Variants in KRT38 observed in about 807,000 individuals in gnomAD.
KRT38 encodes the protein keratin, type I cuticular Ha8.
KRT38 carries 45 observed loss-of-function variants against 43.1 expected under a neutral mutation model. The observed-to-expected ratio is 1.04, with a 90% CI of 0.82 to 1.34. The LOEUF is 1.34. KRT38 is among the 40% of genes most tolerant of loss of function. KRT38 has a pLI of 0.00. For synonymous variants in KRT38, 258 were observed against 244.0 expected, an observed-to-expected ratio of 1.06 and a Z score of -0.53; for missense variants, 627 against 586.2, an observed-to-expected ratio of 1.07 and a Z score of -0.72.
At position 41,437,518 on chromosome 17, in the gene KRT38, G is replaced by A. The variant is rs146369884; in HGVS notation, c.1265C>T (p.Thr422Met). Residue 422 changes from threonine (T) to methionine (M), a missense_variant, in exon 7 of 7, where the codon ACG (threonine) becomes ATG (methionine). Physicochemically the swap from Thr to Met is moderately conservative, Grantham distance 81 (BLOSUM62 -1). Coordinates refer to ENST00000246646, the MANE Select transcript of KRT38 (RefSeq NM_006771.4). Reference protein sequence around the residue: ...DCKLPCNPCSTSPSCVTAPCA... With the variant: ...DCKLPCNPCSMSPSCVTAPCA... ...GGGGGCAGTCACGCAGGAGGGAGAC[G>A]TGGAGCACGGATTGCAGGGGAGTCT... 147 of 1,561,172 alleles carry A rather than the reference G, an allele frequency of 9.4e-5. No individual in the cohort carries two copies. The highest frequency in any genetic ancestry group is 4.5e-4 in the Middle Eastern group (2 of 4,458).
rs1396181209 is a variant in KRT38, at chr17:41,437,497, G to A, written c.1286C>T (p.Ala429Val). 3 of 1,561,424 alleles carry A rather than the reference G, an allele frequency of 1.9e-6. No individual in the cohort carries two copies. Among genetic ancestry groups the A allele is most frequent in the Admixed American group, 2.1e-5 (1 of 48,370 alleles). The change falls in exon 7 of 7, where the codon GCC becomes GTC. Residue 429 changes from alanine to valine, a missense_variant. Ala to Val is a moderately conservative substitution (Grantham distance 64). Coordinates refer to ENST00000246646, the MANE Select transcript of KRT38 (RefSeq NM_006771.4). ...PCSTSPSCVT[A>V]PCAPRPSCGP... ...ACAGCTTGGGCGAGGAGCACAGGGG[G>A]CAGTCACGCAGGAGGGAGACGTGGA...
In KRT38 at chr17:41,438,770, C is replaced by G; in HGVS notation, c.821G>C (p.Gly274Ala). ...GGCCTCATACTGAGCCCGCATCTCC[C>G]CCAGCACCCTGTTCAGGTCAATGGT... is the stretch of plus-strand genomic sequence containing the variant. ...EPTIDLNRVL[G>A]EMRAQYEAML... The change falls in exon 4 of 7, where the codon GGG becomes GCG. Residue 274 changes from glycine to alanine, a missense_variant. Physicochemically the swap from Gly to Ala is moderately conservative, Grantham distance 60 (BLOSUM62 0). Coordinates refer to ENST00000246646, the MANE Select transcript of KRT38 (RefSeq NM_006771.4). The G allele has an allele frequency of 1.2e-6, 2 of 1,614,204 alleles. No homozygotes were observed. The highest frequency in any genetic ancestry group is 1.7e-5 in the Admixed American group (1 of 60,034).
Position 41,437,427 on chromosome 17 carries a change from G to T in KRT38, c.1356C>A (p.Thr452=). ...TCGPTCGAST[T]GSRF is the part of the protein sequence containing the mutation. Reference sequence around the variant, plus strand: ...CCACAGGAATTCAGAATCGGCTTCCGGTGGTGCTGGCTCCACAGGTGGGCC... The same window carrying T: ...CCACAGGAATTCAGAATCGGCTTCCTGTGGTGCTGGCTCCACAGGTGGGCC... The change falls in exon 7 of 7, where the codon ACC becomes ACA. Residue 452 remains threonine, a synonymous_variant. Transcript: ENST00000246646. 6.4e-7 allele frequency: 1 copy of T among 1,566,952 alleles called. No homozygotes were observed. The highest frequency in any genetic ancestry group is 8.6e-7 in the Non-Finnish European group (1 of 1,160,972).
chr17:41,437,220 T>A lies in KRT38; in HGVS notation c.*192A>T. On this transcript the variant is annotated 3_prime_UTR_variant, in exon 7 of 7. Transcript: ENST00000246646. Reference sequence around the variant, plus strand: ...GGCTGCAATCCAGCCACTGAGGGCATAGAGCTCACCTGGGAAAACCAAGAG... The same window carrying A: ...GGCTGCAATCCAGCCACTGAGGGCAAAGAGCTCACCTGGGAAAACCAAGAG... 1 of 511,374 alleles carries A rather than the reference T, an allele frequency of 2.0e-6. No homozygotes were observed. Among genetic ancestry groups the A allele is most frequent in the East Asian group, 3.5e-5 (1 of 28,358 alleles). The allele number at this position is 511,374 out of a possible 1,614,324, so 31.7% of individuals were successfully genotyped here.
chr17:41,440,130 A>T, intron 2 of KRT38, 31 bp downstream of exon 2: 1 of 1,561,972 alleles, frequency 6.4e-7, no homozygotes, highest in East Asian at 2.2e-5. Context: ...GTGGGGAAGG[A>T]GTCACCCTGG....
chr17:41,439,442 A>C, intron 2 of KRT38, 83 bp from the exon 3 acceptor site: 1 of 1,463,200 alleles, frequency 6.8e-7, no homozygotes. Context: ...CTCCCACACC[A>C]CCTTGGATCC....
chr17:41,440,213 G>A lies in KRT38; in HGVS notation c.523C>T (p.Leu175=). The A allele has an allele frequency of 6.2e-7, 1 of 1,614,224 alleles. No individual in the cohort carries two copies. Among genetic ancestry groups the A allele is most frequent in the Non-Finnish European group, 8.5e-7 (1 of 1,180,042 alleles). Residue 175 remains leucine (L), a synonymous_variant, in exon 2 of 7, where the codon CTG becomes TTG. Coordinates refer to ENST00000246646, the MANE Select transcript of KRT38 (RefSeq NM_006771.4). The stretch of plus-strand genomic sequence containing the variant: ...TTGGCATTGTCAATTTGTACAATCA[G>A]CCTGGCATTCTCGGCCTTGCTGCAC... ...ILCSKAENAR[L]IVQIDNAKLA...
In KRT38 at chr17:41,437,501, T is replaced by G; in HGVS notation, c.1282A>C (p.Thr428Pro). 1 of 1,562,288 alleles carries G rather than the reference T, an allele frequency of 6.4e-7. No individual in the cohort carries two copies. Among genetic ancestry groups the G allele is most frequent in the Non-Finnish European group, 8.6e-7 (1 of 1,161,802 alleles). Reference sequence around the variant, plus strand: ...CTTGGGCGAGGAGCACAGGGGGCAGTCACGCAGGAGGGAGACGTGGAGCAC... The same window carrying G: ...CTTGGGCGAGGAGCACAGGGGGCAGGCACGCAGGAGGGAGACGTGGAGCAC... ...NPCSTSPSCVTAPCAPRPSCG... is the reference protein window; with the variant it reads ...NPCSTSPSCVPAPCAPRPSCG... Residue 428 changes from threonine to proline, a missense_variant, in exon 7 of 7, where the codon ACT becomes CCT. Thr to Pro is a conservative substitution (Grantham distance 38, BLOSUM62 -1). Transcript: ENST00000246646.
At position 41,440,765 on chromosome 17, in the gene KRT38, T is replaced by A. The variant is rs993862393; in HGVS notation, c.157A>T (p.Asn53Tyr). 2 of 1,613,582 alleles carry A rather than the reference T, an allele frequency of 1.2e-6. No homozygotes were observed. The highest frequency in any genetic ancestry group is 1.7e-6 in the Non-Finnish European group (2 of 1,179,698). ...MCLLANVAHA[N>Y]RVRVGSTPLG... ...GGAGTGGACCCCACACGGACTCGGT[T>A]GGCATGTGCCACGTTGGCCAAAAGG... Residue 53 changes from asparagine (N) to tyrosine (Y), a missense_variant, in exon 1 of 7, where the codon AAC becomes TAC. By Grantham distance (143) the Asn-to-Tyr change is moderately radical (BLOSUM62 -2). Transcript: ENST00000246646.
At position 41,440,439 on chromosome 17, in the gene KRT38, G is replaced by A; in HGVS notation, c.483C>T (p.Leu161=). The change falls in exon 1 of 7, where the codon CTC becomes CTT. Residue 161 remains leucine (L), a synonymous_variant. Coordinates refer to ENST00000246646, the MANE Select transcript of KRT38 (RefSeq NM_006771.4). Reference sequence around the variant, plus strand: ...CGATCCCACACCTCACCTTCTGTTGGAGCTCCTCGATGGTGTGGAAGTAAG... The same window carrying A: ...CGATCCCACACCTCACCTTCTGTTGAAGCTCCTCGATGGTGTGGAAGTAAG... ...YQSYFHTIEE[L]QQKILCSKAE... The A allele has an allele frequency of 6.2e-7, 1 of 1,613,298 alleles. No individual in the cohort carries two copies. Among genetic ancestry groups the A allele is most frequent in the South Asian group, 1.1e-5 (1 of 91,068 alleles).
In KRT38 at chr17:41,437,280, T is replaced by A; in HGVS notation, c.*132A>T. On this transcript the variant is annotated 3_prime_UTR_variant, in exon 7 of 7. Transcript: ENST00000246646. ...AAGGATTTCCATCAAGATTCCACTGTCCCTGGTATCTCATAGCCTTTGGAC... is the reference window on the plus strand; with the variant it reads ...AAGGATTTCCATCAAGATTCCACTGACCCTGGTATCTCATAGCCTTTGGAC... The A allele has an allele frequency of 1.1e-6, 1 of 900,560 alleles. No individual in the cohort carries two copies. Among genetic ancestry groups the A allele is most frequent in the South Asian group, 4.1e-5 (1 of 24,604 alleles). 55.8% of individuals were successfully genotyped at this position (900,560 alleles called of 1,614,324 possible). A position where few individuals can be genotyped will look rare whatever the true frequency, so the allele number is the denominator to read the frequency against.
Position 41,438,521 on chromosome 17 carries a change from C to A in KRT38, c.990G>T (p.Leu330=), listed in dbSNP as rs1441556662. 4 of 1,614,164 alleles carry A rather than the reference C, an allele frequency of 2.5e-6. No homozygotes were observed. Among genetic ancestry groups the A allele is most frequent in the Non-Finnish European group, 2.5e-6 (3 of 1,180,012 alleles). The change falls in exon 5 of 7, where the codon CTG becomes CTT. Residue 330 remains leucine, a synonymous_variant. Coordinates refer to ENST00000246646, the MANE Select transcript of KRT38 (RefSeq NM_006771.4). ...TGTGCTGGGCTTGGCGCTCCACCTC[C>A]AGGGCATTCACCGTGCATCTCAGCT... ...ILELRCTVNA[L]EVERQAQHTL...
rs775995639 is a variant in KRT38, at chr17:41,440,262, C to G, written c.493-19G>C. 6.2e-7 allele frequency: 1 copy of G among 1,613,460 alleles called. No homozygotes were observed. Among genetic ancestry groups the G allele is most frequent in the Non-Finnish European group, 8.5e-7 (1 of 1,179,414 alleles). On this transcript the variant is annotated intron_variant, in intron 1 of 6. Coordinates refer to ENST00000246646, the MANE Select transcript of KRT38 (RefSeq NM_006771.4). ...ACAGGATCTGAGGAGAACAGGAAGA[C>G]AGTTCACACACAAAGCATCATGCCC...
At chr17:41,437,650 C>T (rs2018741549) in intron 6 of KRT38, 109 bp from the exon 7 acceptor site, 2 of 1,148,716 alleles carry the variant, frequency 1.7e-6, no homozygotes, top group Non-Finnish European at 2.4e-6. Context: ...AGAACATGGA[C>T]CCAGCTGGAC....
chr17:41,437,990 A>C, intron 6 of KRT38, 103 bp downstream of exon 6: 2 of 1,130,236 alleles, frequency 1.8e-6, no homozygotes, highest in Non-Finnish European at 2.6e-6. Flanking sequence ...AAAGGAGTGC[A>C]CAGAGAGCCT....
Position 41,438,568 on chromosome 17 carries a change from A to C in KRT38, c.943T>G (p.Cys315Gly). The C allele has an allele frequency of 6.2e-7, 1 of 1,614,160 alleles. No homozygotes were observed. The highest frequency in any genetic ancestry group is 1.1e-5 in the South Asian group (1 of 91,076). Residue 315 changes from cysteine (C) to glycine (G), a missense_variant, in exon 5 of 7, where the codon TGC becomes GGC. Coordinates refer to ENST00000246646, the MANE Select transcript of KRT38 (RefSeq NM_006771.4). ...AGCTCCAGGATCTCCGACTGGCAGC[A>C]CTGCAGCTCCTCGGAGCAGGACATG... ...QDMSCSEELQCCQSEILELRC... is the reference protein window; with the variant it reads ...QDMSCSEELQGCQSEILELRC...
chr17:41,438,585 C>T lies in KRT38; in HGVS notation c.926G>A (p.Cys309Tyr). The T allele has an allele frequency of 6.2e-7, 1 of 1,614,152 alleles. No individual in the cohort carries two copies. Among genetic ancestry groups the T allele is most frequent in the Non-Finnish European group, 8.5e-7 (1 of 1,180,020 alleles). Residue 309 changes from cysteine to tyrosine, a missense_variant, in exon 5 of 7, where the codon TGC (cysteine) becomes TAC (tyrosine). Cys to Tyr is a radical substitution (Grantham distance 194). Transcript: ENST00000246646. ...SEGISLQDMS[C>Y]SEELQCCQSE... ...CTGGCAGCACTGCAGCTCCTCGGAG[C>T]AGGACATGTCCTGCAGGCTGATGCC...
rs1287287571 is a variant in KRT38 at position 41,438,797 on chromosome 17, G to C, written c.794C>G (p.Pro265Arg). 21 of 1,613,986 alleles carry C rather than the reference G, an allele frequency of 1.3e-5. No homozygotes were observed. The African/African-American group carries it at 2.7e-4, about 21-fold the overall frequency. ...EKLRIELDIE[P>R]TIDLNRVLGE... ...CAGCACCCTGTTCAGGTCAATGGTG[G>C]GCTCAATGTCCAGCTCAATCCGGAG... The change falls in exon 4 of 7, where the codon CCC becomes CGC. Residue 265 changes from proline (P) to arginine (R), a missense_variant. Transcript: ENST00000246646.
At position 41,436,286 on chromosome 17, in the gene KRT38, C is replaced by T. The variant is rs2018724907; in HGVS notation, c.*1126G>A. Among the ~76,000 whole-genome samples, 1 of 152,170 alleles carries T rather than the reference C, an allele frequency of 6.6e-6. No homozygotes were observed. Among genetic ancestry groups the T allele is most frequent in the South Asian group, 2.1e-4 (1 of 4,834 alleles). ...ATTGGGAAAACAACAGATACAGAGG[C>T]AAGTTCAGCTGTTGGAGGTGCTAAT... On this transcript the variant is annotated 3_prime_UTR_variant, in exon 7 of 7. Transcript: ENST00000246646.
Sources: allele counts gnomAD v4.1 joint callset (sites outside exome capture counted in the v4.1 genomes callset), GRCh38; gene constraint gnomAD v4.1.1; transcripts MANE v1.5; gene names NCBI Gene and HGNC (gene_info 2026-07-23, HGNC 2026-07-21).